UBE2E2: variants seen among roughly 807,000 people sequenced by gnomAD.
The protein encoded by UBE2E2 is ubiquitin-conjugating enzyme E2 E2.
UBE2E2 carries 6 observed loss-of-function variants against 24.7 expected under a neutral mutation model. That is an observed-to-expected ratio of 0.24 (90% CI 0.13 to 0.48). The LOEUF (loss-of-function observed/expected upper bound fraction) is 0.48, where lower values mean the gene tolerates loss of function less well. Among genes scored for constraint, UBE2E2 ranks in the 20% least tolerant of loss-of-function variants. The pLI is 0.99. For missense variants in UBE2E2, 169 were observed against 245.0 expected, an observed-to-expected ratio of 0.69 and a Z score of 2.07; for synonymous variants, 104 against 83.6, an observed-to-expected ratio of 1.24 and a Z score of -1.33.
At chr3:23,559,780 G>T (rs1253446659) in intron 5 of UBE2E2, among the ~76,000 whole-genome samples, 1 of 152,164 alleles carries the variant, frequency 6.6e-6, no homozygotes, top group Non-Finnish European at 1.5e-5. Flanking sequence ...CAAGTTAAAT[G>T]CTGATGTTTA....
chr3:23,306,069 A>G (rs1457441386), intron 3 of UBE2E2, among the ~76,000 whole-genome samples: 1 of 152,206 alleles, frequency 6.6e-6, no homozygotes, highest in African/African-American at 2.4e-5. Context: ...AGTGGTAGAT[A>G]AAAAAGGAAG....
chr3:23,466,522 T>A (rs1698921995), intron 3 of UBE2E2, among the ~76,000 whole-genome samples: 1 of 152,216 alleles, frequency 6.6e-6, no homozygotes, highest in Non-Finnish European at 1.5e-5. Context: ...GCCTTATTCC[T>A]TCAAAATAAG....
intron 5 of UBE2E2, among the ~76,000 whole-genome samples, chr3:23,537,247 G>A (rs977034434): frequency 1.3e-5 from 2 of 152,146 alleles, no homozygotes; most frequent in African/African-American, 4.8e-5. Context: ...GCTTGCATTC[G>A]TAAGCAACCA....
chr3:23,227,046 TG>T (rs1243045301), intron 3 of UBE2E2, among the ~76,000 whole-genome samples: 3 of 152,036 alleles, frequency 2.0e-5, no homozygotes, highest in Non-Finnish European at 2.9e-5. Flanking sequence ...GGTGTGGTTT[TG>T]AGAGACAAAA....
At chr3:23,204,849 C>T (rs1696102934) in intron 1 of UBE2E2, 1 of 741,578 alleles carries the variant, frequency 1.3e-6, no homozygotes, top group Non-Finnish European at 1.6e-6. Flanking sequence ...ACATATATGA[C>T]AGAATTAAAC....
intron 3 of UBE2E2, among the ~76,000 whole-genome samples, chr3:23,434,396 C>G (rs1698136977): frequency 6.6e-6 from 1 of 151,908 alleles, no homozygotes; most frequent in Non-Finnish European, 1.5e-5. Context: ...AGTTTGCATC[C>G]CCCAAATGAC....
At chr3:23,586,723 T>C (rs758201030) in intron 5 of UBE2E2, among the ~76,000 whole-genome samples, 4 of 152,246 alleles carry the variant, frequency 2.6e-5, no homozygotes, top group Non-Finnish European at 5.9e-5. Context: ...CCTCACATCG[T>C]TGTTTTTAAA....
At chr3:23,434,463 G>T (rs561305499) in intron 3 of UBE2E2, among the ~76,000 whole-genome samples, 1 of 152,184 alleles carries the variant, frequency 6.6e-6, no homozygotes, top group East Asian at 1.9e-4. Flanking sequence ...AAAATTCTTG[G>T]TACGAAACAG....
At chr3:23,417,615 G>C (rs546457916) in intron 3 of UBE2E2, among the ~76,000 whole-genome samples, 26 of 152,248 alleles carry the variant, frequency 1.7e-4, no homozygotes, top group African/African-American at 6.3e-4. Flanking sequence ...CTGCAGAGCC[G>C]GCAGGCAGGA....
chr3:23,588,499 C>G (rs1263147085), intron 5 of UBE2E2, among the ~76,000 whole-genome samples: 2 of 149,830 alleles, frequency 1.3e-5, no homozygotes, highest in African/African-American at 4.9e-5. Context: ...TCACTACAGA[C>G]TCAAACTCCT....
At chr3:23,289,408 A>T (rs1698701904) in intron 3 of UBE2E2, among the ~76,000 whole-genome samples, 1 of 152,230 alleles carries the variant, frequency 6.6e-6, no homozygotes, top group South Asian at 2.1e-4. Flanking sequence ...AAGGTTTGTT[A>T]CTTTAGCTGG....
intron 3 of UBE2E2, among the ~76,000 whole-genome samples, chr3:23,307,424 T>G: frequency 6.6e-6 from 1 of 152,186 alleles, no homozygotes; most frequent in Admixed American, 6.6e-5. Context: ...AGTTTATTGC[T>G]TTTACCTCTA....
chr3:23,455,267 G>A (rs530943794), intron 3 of UBE2E2, among the ~76,000 whole-genome samples: 3 of 152,270 alleles, frequency 2.0e-5, no homozygotes, highest in Non-Finnish European at 2.9e-5. Context: ...GGTTCGGCTC[G>A]AGACCACAGC....
intron 3 of UBE2E2, among the ~76,000 whole-genome samples, chr3:23,270,787 G>A (rs1698219283): frequency 6.6e-6 from 1 of 152,212 alleles, no homozygotes; most frequent in African/African-American, 2.4e-5. Context: ...TAGTTACAAT[G>A]TTTAACAGTT....
chr3:23,304,257 C>G (rs1452124147), intron 3 of UBE2E2, among the ~76,000 whole-genome samples: 1 of 152,060 alleles, frequency 6.6e-6, no homozygotes, highest in Admixed American at 6.6e-5. Context: ...ATCGTGGAAT[C>G]AAAAACATAG....
intron 5 of UBE2E2, among the ~76,000 whole-genome samples, chr3:23,587,308 C>A (rs1456637211): frequency 1.3e-5 from 2 of 152,116 alleles, no homozygotes; most frequent in African/African-American, 2.4e-5. Flanking sequence ...CTTCTTGTTC[C>A]CTTTATTCTT....
At position 23,505,438 on chromosome 3, in the gene UBE2E2, G is replaced by A. The variant is rs181432154; in HGVS notation, c.360+5698G>A. ...CACTCATGTTTGTTTTTTATTTTCA[G>A]TATTTCAGGCAACTTATGCACAGGT... On this transcript the variant is annotated intron_variant, in intron 4 of 5. Transcript: ENST00000396703. 8.3e-3 allele frequency among the ~76,000 whole-genome samples: 1,256 copies of A among 152,192 alleles called. 11 individuals are homozygous for A. Among genetic ancestry groups the A allele is most frequent in the Middle Eastern group, 0.02 (6 of 294 alleles).
chr3:23,443,453 CT>C (rs1575633273), intron 3 of UBE2E2, among the ~76,000 whole-genome samples: 1 of 152,282 alleles, frequency 6.6e-6, no homozygotes, highest in East Asian at 1.9e-4. Context: ...CCTGAAAACT[CT>C]CATAAACTGT....
chr3:23,538,537 G>A (rs1472619822), intron 5 of UBE2E2, among the ~76,000 whole-genome samples: 4 of 152,030 alleles, frequency 2.6e-5, no homozygotes, highest in African/African-American at 9.7e-5. Flanking sequence ...AAAGCCTTTG[G>A]GTTCCAATTC....
Sources: allele counts gnomAD v4.1 joint callset (sites outside exome capture counted in the v4.1 genomes callset), GRCh38; gene constraint gnomAD v4.1.1; transcripts MANE v1.5; gene names NCBI Gene and HGNC (gene_info 2026-07-23, HGNC 2026-07-21).